Variants in MAGI2 observed in about 807,000 individuals in gnomAD.
The protein encoded by MAGI2 is membrane associated guanylate kinase, WW and PDZ domain containing 2, also known as membrane-associated guanylate kinase, WW and PDZ domain-containing protein 2.
A neutral mutation model predicts 133.3 loss-of-function variants in MAGI2; 35 were observed. The ratio of observed to expected loss-of-function variants is 0.26; its 90% CI spans 0.20 to 0.35. The LOEUF is 0.35. Ranked by LOEUF, MAGI2 falls within the 10% of genes least tolerant of loss-of-function variation. The pLI is 1.00. For synonymous variants in MAGI2, 729 were observed against 710.6 expected (o/e 1.03, Z -0.41); for missense variants, 1,636 against 1,863.4 (o/e 0.88, Z 2.25).
At chr7:78,781,166 C>G (rs949394700) in intron 2 of MAGI2, among the ~76,000 whole-genome samples, 44 of 152,238 alleles carry the variant, frequency 2.9e-4, no homozygotes, top group African/African-American at 8.9e-4. Flanking sequence ...ATCACGAGGT[C>G]AGGAGATCGA....
intron 2 of MAGI2, among the ~76,000 whole-genome samples, chr7:78,690,342 A>G (rs778499436): frequency 1.3e-5 from 2 of 152,200 alleles, no homozygotes; most frequent in Non-Finnish European, 2.9e-5. Context: ...CCATAATACC[A>G]TGTATGTTTC....
chr7:78,293,217 A>G (rs1219204159), intron 9 of MAGI2, among the ~76,000 whole-genome samples: 2 of 152,200 alleles, frequency 1.3e-5, no homozygotes, highest in East Asian at 3.9e-4. Context: ...GAATCTACAA[A>G]GAACTTAAAC....
rs550500861 is a variant in MAGI2, at chr7:78,892,361, C to T, written c.418+114729G>A. On this transcript the variant is annotated intron_variant, in intron 2 of 21. Transcript: ENST00000354212. ...ATCAAGCCACCAATGACTTTCTTCA[C>T]AGAATTGGAAAAAACTACTTTAAAG... Among the ~76,000 whole-genome samples the T allele has an allele frequency of 6.6e-3, 1,002 of 152,224 alleles. 9 individuals are homozygous for T. Among genetic ancestry groups the T allele is most frequent in the South Asian group, 0.028 (136 of 4,814 alleles).
intron 11 of MAGI2, among the ~76,000 whole-genome samples, chr7:78,200,328 A>G (rs916567609): frequency 3.3e-5 from 5 of 152,222 alleles, no homozygotes; most frequent in Non-Finnish European, 5.9e-5. Context: ...TCTATCTGCA[A>G]GTGAAGACCA....
intron 9 of MAGI2, among the ~76,000 whole-genome samples, chr7:78,275,517 A>G (rs1794977315): frequency 6.6e-6 from 1 of 152,072 alleles, no homozygotes; most frequent in Non-Finnish European, 1.5e-5. Flanking sequence ...CTATATTTGA[A>G]TGGGCTAGTC....
At position 78,256,596 on chromosome 7, in the gene MAGI2, G is replaced by A. The variant is rs773915696; in HGVS notation, c.1409-15C>T. The A allele has an allele frequency of 1.2e-6, 2 of 1,602,000 alleles. No individual in the cohort carries two copies. The highest frequency in any genetic ancestry group is 1.7e-6 in the Non-Finnish European group (2 of 1,174,966). The stretch of plus-strand genomic sequence containing the variant: ...AATGACATCACCTGTAAGAAAAAAA[G>A]AGATTGACAACATGAGGTAAGTTCA... On this transcript the variant is annotated splice_polypyrimidine_tract_variant and intron_variant, in intron 9 of 21. Transcript: ENST00000354212.
At chr7:79,153,030 T>A (rs1008580677) in intron 1 of MAGI2, among the ~76,000 whole-genome samples, 1 of 152,168 alleles carries the variant, frequency 6.6e-6, no homozygotes, top group Non-Finnish European at 1.5e-5. Context: ...TTTGGATAAA[T>A]CCAGACAAAT....
intron 1 of MAGI2, among the ~76,000 whole-genome samples, chr7:79,363,566 T>A (rs769384010): frequency 6.6e-6 from 1 of 151,182 alleles, no homozygotes; most frequent in Non-Finnish European, 1.5e-5. Flanking sequence ...TCAAAATGCA[T>A]TAAAGACTTA....
chr7:78,408,414 T>C (rs1049283598), intron 6 of MAGI2, among the ~76,000 whole-genome samples: 1 of 151,988 alleles, frequency 6.6e-6, no homozygotes, highest in Admixed American at 6.6e-5. Flanking sequence ...GTATAGTGAA[T>C]TGGGGATGGG....
intron 2 of MAGI2, among the ~76,000 whole-genome samples, chr7:78,852,766 A>G (rs1047409596): frequency 2.6e-5 from 4 of 152,158 alleles, no homozygotes; most frequent in African/African-American, 4.8e-5. Context: ...GAACGAAAAG[A>G]GTAGAGAGCT....
chr7:78,172,596 T>C (rs569804265), intron 14 of MAGI2, among the ~76,000 whole-genome samples: 2 of 152,262 alleles, frequency 1.3e-5, no homozygotes, highest in Non-Finnish European at 2.9e-5. Flanking sequence ...AATGCCCGTA[T>C]GCTTTGTCTG....
rs948208067 is a variant in MAGI2, at chr7:78,486,687, G to T, written c.1045+3074C>A. 2.0e-5 allele frequency: 8 copies of T among 393,546 alleles called. No homozygotes were observed. In the East Asian group the frequency reaches 4.3e-4, roughly 21 times the overall value. 24.4% of individuals were successfully genotyped at this position (393,546 alleles called of 1,614,324 possible). A position where few individuals can be genotyped will look rare whatever the true frequency, so the allele number is the denominator to read the frequency against. The stretch of plus-strand genomic sequence containing the variant: ...AACAACAACAATGGCGACAACGATG[G>T]TTCCAACTGGAGTCCAGCAAGGTAG... On this transcript the variant is annotated intron_variant, in intron 6 of 21. Transcript: ENST00000354212.
chr7:79,197,445 G>T lies in MAGI2; in HGVS notation c.302-190239C>A, dbSNP rs551916955. 2.0e-5 allele frequency among the ~76,000 whole-genome samples: 3 copies of T among 152,128 alleles called. No individual in the cohort carries two copies. The East Asian group carries it at 5.8e-4, about 29-fold the overall frequency. On this transcript the variant is annotated intron_variant, in intron 1 of 21. Transcript: ENST00000354212. ...AGTATAGAACCTCACACTTTGCTCA[G>T]AGGAAAATCACAACCAGCGCTTGCT...
chr7:79,447,355 A>G (rs1848926910), intron 1 of MAGI2, among the ~76,000 whole-genome samples: 1 of 152,146 alleles, frequency 6.6e-6, no homozygotes, highest in Non-Finnish European at 1.5e-5. Context: ...GAGAGCTGAG[A>G]ATAGAATGGA....
rs369494899 is a variant in MAGI2 at position 78,466,040 on chromosome 7, G to A, written c.1045+23721C>T. On this transcript the variant is annotated intron_variant, in intron 6 of 21. Coordinates refer to ENST00000354212, the MANE Select transcript of MAGI2 (RefSeq NM_012301.4). ...CCTCTTTCATGGACCACTCCAATCCGGCTTCAACCACTTGCTCTTAACATC... is the reference window on the plus strand; with the variant it reads ...CCTCTTTCATGGACCACTCCAATCCAGCTTCAACCACTTGCTCTTAACATC... Among the ~76,000 whole-genome samples, 176 of 152,204 alleles carry A rather than the reference G, an allele frequency of 1.2e-3. 3 individuals are homozygous for A. Among genetic ancestry groups the A allele is most frequent in the African/African-American group, 3.8e-3 (157 of 41,550 alleles).
chr7:79,228,686 T>G (rs570214966), intron 1 of MAGI2, among the ~76,000 whole-genome samples: 1 of 152,228 alleles, frequency 6.6e-6, no homozygotes, highest in South Asian at 2.1e-4. Context: ...TTATTTATGG[T>G]TGTGATTGTT....
intron 2 of MAGI2, among the ~76,000 whole-genome samples, chr7:78,784,980 G>C (rs1189985387): frequency 2.0e-5 from 3 of 152,170 alleles, no homozygotes; most frequent in South Asian, 4.1e-4. Context: ...TGTTAGGCGT[G>C]CATGGTGCCT....
chr7:79,402,421 T>C (rs1391975832), intron 1 of MAGI2, among the ~76,000 whole-genome samples: 1 of 152,168 alleles, frequency 6.6e-6, no homozygotes, highest in Non-Finnish European at 1.5e-5. Flanking sequence ...CAAATTATTG[T>C]AAAAATAGCT....
At chr7:78,239,576 C>A (rs1418292815) in intron 10 of MAGI2, among the ~76,000 whole-genome samples, 1 of 152,092 alleles carries the variant, frequency 6.6e-6, no homozygotes, top group East Asian at 1.9e-4. Context: ...AAAAAAATAA[C>A]CTGATCAAAA....
Sources: gnomAD v4.1 joint callset for allele counts (sites outside exome capture counted in the v4.1 genomes callset) on GRCh38, gnomAD v4.1.1 for gene constraint, MANE v1.5 for transcripts, NCBI Gene and HGNC (gene_info 2026-07-23, HGNC 2026-07-21) for gene names.